The following CSMD2 variants were observed in gnomAD, a reference collection of about 807,000 sequenced individuals.
The protein encoded by CSMD2 is CUB and sushi domain-containing protein 2.
CSMD2 carries 130 observed loss-of-function variants against 398.5 expected under a neutral mutation model. The ratio of observed to expected loss-of-function variants is 0.33; its 90% CI spans 0.28 to 0.38. The LOEUF is 0.38. Among genes scored for constraint, CSMD2 ranks in the 10% least tolerant of loss-of-function variants. The probability of loss-of-function intolerance (pLI) is 1.00; values close to 1 mark genes in which losing one functional copy is unlikely to be tolerated. For missense variants in CSMD2, 3,829 were observed against 4,764.9 expected (o/e 0.80, Z 5.78); for synonymous variants, 1,828 against 1,908.5 (o/e 0.96, Z 1.10).
At chr1:33,719,829 G>C (rs1646297840) in intron 19 of CSMD2, among the ~76,000 whole-genome samples, 3 of 152,202 alleles carry the variant, frequency 2.0e-5, no homozygotes, top group Non-Finnish European at 2.9e-5. Context: ...GAAAGTATAT[G>C]CAAAGCACAC....
intron 11 of CSMD2, among the ~76,000 whole-genome samples, chr1:33,790,685 ATCTATCTATCTATCTATCATCTATCTG>A (rs1479357711): frequency 0.021 from 3,162 of 151,514 alleles, 101 homozygotes; most frequent in African/African-American, 0.072. Flanking sequence ...CTATCTATCT[ATCTATCTATCTATCTATCATCTATCTG>A]TCTATCATCT....
chr1:33,817,752 C>T (rs532736119), intron 9 of CSMD2, among the ~76,000 whole-genome samples: 1 of 152,330 alleles, frequency 6.6e-6, no homozygotes, highest in South Asian at 2.1e-4. Flanking sequence ...TCTATTATCA[C>T]CACTTTTTGG....
chr1:33,987,537 C>T (rs1371676832), intron 3 of CSMD2, among the ~76,000 whole-genome samples: 2 of 152,156 alleles, frequency 1.3e-5, no homozygotes, highest in African/African-American at 2.4e-5. Context: ...AGGCAAAAGT[C>T]TGACACAGAG....
chr1:33,911,739 A>G (rs1218263474), intron 5 of CSMD2, among the ~76,000 whole-genome samples: 3 of 152,240 alleles, frequency 2.0e-5, no homozygotes, highest in Admixed American at 2.0e-4. Context: ...CAGTGGCCAC[A>G]GGGCCAGGAT....
chr1:33,564,501 C>A (rs1341433618), intron 53 of CSMD2, among the ~76,000 whole-genome samples: 1 of 152,208 alleles, frequency 6.6e-6, no homozygotes, highest in Admixed American at 6.5e-5. Flanking sequence ...TCTGCATGTT[C>A]TTCTGGGTGA....
intron 31 of CSMD2, among the ~76,000 whole-genome samples, chr1:33,634,794 G>A (rs35416207): frequency 0.14 from 21,708 of 152,018 alleles, 2,014 homozygotes; most frequent in Admixed American, 0.22. Flanking sequence ...GTGGCTCCTG[G>A]TCTCCCTCAC....
chr1:34,105,430 C>T (rs1660436924), intron 1 of CSMD2, among the ~76,000 whole-genome samples: 3 of 152,162 alleles, frequency 2.0e-5, no homozygotes, highest in African/African-American at 4.8e-5. Flanking sequence ...TATTGGAGTT[C>T]CTAATGAAAG....
intron 5 of CSMD2, among the ~76,000 whole-genome samples, chr1:33,872,194 G>C (rs1272413820): frequency 6.6e-6 from 1 of 152,108 alleles, no homozygotes; most frequent in East Asian, 1.9e-4. Flanking sequence ...AATAAACTTA[G>C]TGATCTAGCT....
Position 33,524,780 on chromosome 1 carries a change from G to A in CSMD2, c.10396+102C>T, listed in dbSNP as rs1654622795. 7.5e-6 allele frequency: 9 copies of A among 1,202,656 alleles called. No individual in the cohort carries two copies. The South Asian group carries it at 1.3e-4, about 18-fold the overall frequency. The allele number at this position is 1,202,656 out of a possible 1,614,324, so 74.5% of individuals were successfully genotyped here. A position where few individuals can be genotyped will look rare whatever the true frequency, so the allele number is the denominator to read the frequency against. On this transcript the variant is annotated intron_variant, in intron 66 of 70. Coordinates refer to ENST00000373381, the MANE Select transcript of CSMD2 (RefSeq NM_001281956.2). ...TCTTCCCTGACCACCAGACAAGTCT[G>A]AGCCTTGCATGACAGTATGATGCAA...
Position 33,601,002 on chromosome 1 carries a change from G to A in CSMD2, c.6719C>T (p.Pro2240Leu), listed in dbSNP as rs746322808. The A allele has an allele frequency of 3.1e-6, 5 of 1,614,112 alleles. No homozygotes were observed. The highest frequency in any genetic ancestry group is 4.5e-5 in the East Asian group (2 of 44,874). The change falls in exon 44 of 71, where the codon CCA becomes CTA. Residue 2240 changes from proline to leucine, a missense_variant. This residue lies in a region of CSMD2 where 723 missense variants were observed against 758.6 expected (regional missense o/e 0.95). Coordinates refer to ENST00000373381, the MANE Select transcript of CSMD2 (RefSeq NM_001281956.2). ...GCCGAGCCGTGGTGCTGTTTGCTGT[G>A]GCCCATCCCTGTACACAGGAAACAA... ...SGDFITIWDG[P>L]QQTAPRLGVF...
At chr1:34,079,992 A>C (rs1050120417) in intron 2 of CSMD2, among the ~76,000 whole-genome samples, 8 of 151,994 alleles carry the variant, frequency 5.3e-5, no homozygotes, top group African/African-American at 1.9e-4. Flanking sequence ...ACTACTGTGT[A>C]TATTGTGCTA....
At chr1:33,516,606 A>C (rs952224058) in intron 70 of CSMD2, 36 bp from the exon 71 acceptor site, 4 of 152,408 alleles carry the variant, frequency 2.6e-5, no homozygotes, top group Non-Finnish European at 4.4e-5. Context: ...GTTTGCAAAG[A>C]AAAAAGAGGC....
At chr1:33,854,405 G>C (rs1394062288) in intron 5 of CSMD2, among the ~76,000 whole-genome samples, 1 of 152,210 alleles carries the variant, frequency 6.6e-6, no homozygotes, top group Non-Finnish European at 1.5e-5. Context: ...GGTTACATGT[G>C]GGGAAAAGCA....
At position 33,569,562 on chromosome 1, in the gene CSMD2, A is replaced by G; in HGVS notation, c.7958-15T>C. On this transcript the variant is annotated splice_polypyrimidine_tract_variant and intron_variant, in intron 51 of 70. Transcript: ENST00000373381. ...ACAGGAGATGACTAAAATGATCACAAGATGCTCAGTAAGCCAGCCCCAAGA... is the reference window on the plus strand; with the variant it reads ...ACAGGAGATGACTAAAATGATCACAGGATGCTCAGTAAGCCAGCCCCAAGA... 6.2e-7 allele frequency: 1 copy of G among 1,611,516 alleles called. No individual in the cohort carries two copies. Among genetic ancestry groups the G allele is most frequent in the African/African-American group, 1.3e-5 (1 of 75,034 alleles).
chr1:33,802,235 T>C (rs1655689742), intron 10 of CSMD2, among the ~76,000 whole-genome samples: 1 of 152,170 alleles, frequency 6.6e-6, no homozygotes, highest in Non-Finnish European at 1.5e-5. Flanking sequence ...CTGCATCACT[T>C]GCTCTGAGCC....
At chr1:34,042,879 C>T (rs756843160) in intron 2 of CSMD2, among the ~76,000 whole-genome samples, 14 of 152,114 alleles carry the variant, frequency 9.2e-5, no homozygotes, top group Non-Finnish European at 2.1e-4. Flanking sequence ...GCTCTGCCTC[C>T]GGGGTTTCAC....
At chr1:33,829,539 G>A (rs990539783) in intron 6 of CSMD2, among the ~76,000 whole-genome samples, 8 of 152,180 alleles carry the variant, frequency 5.3e-5, no homozygotes, top group East Asian at 3.9e-4. Flanking sequence ...CAAGGTGGCC[G>A]AATAGGAACA....
intron 1 of CSMD2, among the ~76,000 whole-genome samples, chr1:34,146,715 T>C (rs558501625): frequency 7.2e-5 from 11 of 152,284 alleles, no homozygotes; most frequent in Middle Eastern, 3.4e-3. Context: ...CCCAGGTTTC[T>C]GGCTTAGGAA....
Position 34,072,532 on chromosome 1 carries a change from G to A in CSMD2, c.404+16445C>T, listed in dbSNP as rs535126037. ...CAAGTCTGCTCTAGGGGAATGTTGC[G>A]TCTTTGACCAATATCTCATGATACT... On this transcript the variant is annotated intron_variant, in intron 2 of 70. Transcript: ENST00000373381. 1.1e-4 allele frequency among the ~76,000 whole-genome samples: 17 copies of A among 152,288 alleles called. No individual in the cohort carries two copies. The South Asian group carries it at 2.7e-3, about 24-fold the overall frequency.
Sources: allele counts gnomAD v4.1 joint callset (sites outside exome capture counted in the v4.1 genomes callset), GRCh38; gene constraint gnomAD v4.1.1; regional missense constraint gnomAD v4.1.1; transcripts MANE v1.5; gene names NCBI Gene and HGNC (gene_info 2026-07-23, HGNC 2026-07-21).